The following ACVRL1 variants were observed in gnomAD, a reference collection of about 807,000 sequenced individuals.
ACVRL1 encodes the protein activin A receptor like type 1.
A neutral mutation model predicts 51.9 loss-of-function variants in ACVRL1; 20 were observed. The ratio of observed to expected loss-of-function variants is 0.39; its 90% CI spans 0.27 to 0.56. The LOEUF (loss-of-function observed/expected upper bound fraction) is 0.56, where lower values mean the gene tolerates loss of function less well. Among genes scored for constraint, ACVRL1 ranks in the 20% least tolerant of loss-of-function variants. ACVRL1 has a pLI of 0.67. For synonymous variants in ACVRL1, 288 were observed against 280.9 expected (o/e 1.03, Z -0.25); for missense variants, 451 against 670.3 (o/e 0.67, Z 3.61).
intron 7 of ACVRL1, chr12:51,915,803 G>A (rs574400782): frequency 1.1e-5 from 7 of 633,498 alleles, no homozygotes; most frequent in Non-Finnish European, 1.6e-5. Context: ...CATAATGCCT[G>A]CCTTGCCCAC....
At chr12:51,916,406 T>G (rs1940843109) in intron 8 of ACVRL1, among the ~76,000 whole-genome samples, 173 bp downstream of exon 8, 1 of 152,194 alleles carries the variant, frequency 6.6e-6, no homozygotes, top group Admixed American at 6.5e-5. Context: ...GTATAAACCT[T>G]AAAAACAGAT....
intron 9 of ACVRL1, among the ~76,000 whole-genome samples, chr12:51,920,091 A>G (rs1444529110): frequency 6.6e-6 from 1 of 152,062 alleles, no homozygotes; most frequent in African/African-American, 2.4e-5. Flanking sequence ...ACACACATAC[A>G]CTCACTTTCA....
In ACVRL1 at chr12:51,909,004, C is replaced by A. The variant is rs1940643946; in HGVS notation, c.-6+1309C>A. ...CACATGGATGAATCGTAAGGGCAACCCAATATGAACAGCTGGGTCTGCTCC... is the reference window on the plus strand; with the variant it reads ...CACATGGATGAATCGTAAGGGCAACACAATATGAACAGCTGGGTCTGCTCC... On this transcript the variant is annotated intron_variant, in intron 1 of 9. Transcript: ENST00000388922. Among the ~76,000 whole-genome samples, 3 of 152,124 alleles carry A rather than the reference C, an allele frequency of 2.0e-5. No individual in the cohort carries two copies. The South Asian group carries it at 6.2e-4, about 32-fold the overall frequency.
At chr12:51,913,431 C>G in intron 3 of ACVRL1, 81 bp downstream of exon 3, 1 of 1,561,702 alleles carries the variant, frequency 6.4e-7, no homozygotes, top group South Asian at 1.2e-5. Flanking sequence ...CATGCTCTGG[C>G]CAATAAAGGG....
chr12:51,912,635 G>A, intron 2 of ACVRL1, 100 bp downstream of exon 2: 1 of 998,998 alleles, frequency 1.0e-6, no homozygotes, highest in Non-Finnish European at 1.6e-6. Flanking sequence ...GAGAAGCTGG[G>A]GAGAATGTAG....
At position 51,913,543 on chromosome 12, in the gene ACVRL1, T is replaced by C. The variant is rs769597707; in HGVS notation, c.314-16T>C. The C allele has an allele frequency of 3.6e-5, 57 of 1,592,936 alleles. No individual in the cohort carries two copies. Among genetic ancestry groups the C allele is most frequent in the Non-Finnish European group, 4.2e-5 (50 of 1,178,094 alleles). On this transcript the variant is annotated splice_polypyrimidine_tract_variant and intron_variant, in intron 3 of 9. Coordinates refer to ENST00000388922, the MANE Select transcript of ACVRL1 (RefSeq NM_000020.3). The stretch of plus-strand genomic sequence containing the variant: ...TGACCTAGTGGAAGCTGAGCCTCAG[T>C]GTCCCCCTCCCTCAGCCACCCAACC...
rs764447968 is a variant in ACVRL1 at position 51,913,586 on chromosome 12, G to C, written c.341G>C (p.Gly114Ala). ...EATQPPSEQP[G>A]TDGQLALILG... The stretch of plus-strand genomic sequence containing the variant: ...ACCCAACCTCCTTCGGAGCAGCCGG[G>C]AACAGATGGCCAGCTGGCCCTGATC... Residue 114 changes from glycine to alanine, a missense_variant, in exon 4 of 10, where the codon GGA becomes GCA. Around this residue, in one of 2 missense-constraint regions of ACVRL1, gnomAD observed 192 missense variants for 216.9 expected, o/e 0.89. Transcript: ENST00000388922. 3.8e-5 allele frequency: 61 copies of C among 1,599,802 alleles called. No individual in the cohort carries two copies. Among genetic ancestry groups the C allele is most frequent in the Non-Finnish European group, 4.8e-5 (57 of 1,179,842 alleles).
intron 2 of ACVRL1, among the ~76,000 whole-genome samples, chr12:51,912,822 G>A (rs1197220023): frequency 2.0e-5 from 3 of 152,096 alleles, no homozygotes; most frequent in African/African-American, 7.2e-5. Context: ...AAGCCTGGGA[G>A]AGCACTCAGG....
chr12:51,913,765 T>C lies in ACVRL1; in HGVS notation c.520T>C (p.Leu174=), dbSNP rs1592222650. 6.2e-7 allele frequency: 1 copy of C among 1,611,376 alleles called. No homozygotes were observed. Among genetic ancestry groups the C allele is most frequent in the Non-Finnish European group, 8.5e-7 (1 of 1,179,950 alleles). Residue 174 remains leucine, a synonymous_variant, in exon 4 of 10, where the codon TTG becomes CTG. Coordinates refer to ENST00000388922, the MANE Select transcript of ACVRL1 (RefSeq NM_000020.3). The part of the protein sequence containing the change: ...LKASEQGDSM[L]GDLLDSDCTT... The stretch of plus-strand genomic sequence containing the variant: ...AGCATCTGAGCAGGGCGACAGCATG[T>C]TGGGGGTATGGGCCTGGGGACCTGG...
rs1940959480 is a variant in ACVRL1 at position 51,920,836 on chromosome 12, CAAG to C, written c.1460_1462del (p.Lys487del). 6.3e-7 allele frequency: 1 copy of C among 1,580,554 alleles called. No individual in the cohort carries two copies. Among genetic ancestry groups the C allele is most frequent in the East Asian group, 2.4e-5 (1 of 42,186 alleles). On this transcript the variant is annotated inframe_deletion, in exon 10 of 10. Coordinates refer to ENST00000388922, the MANE Select transcript of ACVRL1 (RefSeq NM_000020.3). The stretch of plus-strand genomic sequence containing the variant: ...CTGCCCGACTCACCGCGCTGCGGAT[CAAG>C]AAGACACTACAAAAAATTAGCAACA...
Position 51,920,942 on chromosome 12 carries a change from G to GGGGGGGGGGGGGGGGGGGGGGGGC in ACVRL1, c.*52_*53insGGGGGGGGGGGGGGGGGGGGCGGG. The GGGGGGGGGGGGGGGGGGGGGGGGC allele has an allele frequency of 1.6e-6, 1 of 629,040 alleles. No individual in the cohort carries two copies. Among genetic ancestry groups the GGGGGGGGGGGGGGGGGGGGGGGGC allele is most frequent in the Non-Finnish European group, 2.9e-6 (1 of 341,656 alleles). 39.0% of individuals were successfully genotyped at this position (629,040 alleles called of 1,614,324 possible). On this transcript the variant is annotated 3_prime_UTR_variant, in exon 10 of 10. Transcript: ENST00000388922. ...TGCCTGCAGGGGGCTGGGGGGGTGG[G>GGGGGGGGGGGGGGGGGGGGGGGGC]GGGCAGTGGATGGTGCCCTATCTGG...
rs539610159 is a variant in ACVRL1 at position 51,922,274 on chromosome 12, A to T, written c.*1381A>T. 13 of 152,290 alleles carry T rather than the reference A, an allele frequency of 8.5e-5. No homozygotes were observed. The highest frequency in any genetic ancestry group is 3.1e-4 in the African/African-American group (13 of 41,538). 9.4% of individuals were successfully genotyped at this position (152,290 alleles called of 1,614,324 possible). A position where few individuals can be genotyped will look rare whatever the true frequency, so the allele number is the denominator to read the frequency against. ...AGTCTGCAAGCTCCAGTTCTTGCCT[A>T]AAACCATGCCAGTGGCCACCCTTGG... is the stretch of plus-strand genomic sequence containing the variant. On this transcript the variant is annotated 3_prime_UTR_variant, in exon 10 of 10. Coordinates refer to ENST00000388922, the MANE Select transcript of ACVRL1 (RefSeq NM_000020.3).
chr12:51,915,423 C>A lies in ACVRL1; in HGVS notation c.971C>A (p.Pro324Gln), dbSNP rs777485112. The change falls in exon 7 of 10, where the codon CCA becomes CAA. Residue 324 changes from proline to glutamine, a missense_variant. Pro to Gln is a moderately conservative substitution (Grantham distance 76). Coordinates refer to ENST00000388922, the MANE Select transcript of ACVRL1 (RefSeq NM_000020.3). ...HVEIFGTQGK[P>Q]AIAHRDFKSR... ...GAGATCTTCGGTACACAGGGCAAAC[C>A]AGCCATTGCCCACCGCGACTTCAAG... is the stretch of plus-strand genomic sequence containing the variant. 1.9e-6 allele frequency: 3 copies of A among 1,613,688 alleles called. No individual in the cohort carries two copies. The South Asian group carries it at 3.3e-5, about 18-fold the overall frequency.
At chr12:51,920,738 C>A (rs1200003666) in intron 9 of ACVRL1, 21 bp from the exon 10 acceptor site, 2 of 1,612,984 alleles carry the variant, frequency 1.2e-6, no homozygotes, top group East Asian at 2.2e-5. Flanking sequence ...CTCTCCTCTG[C>A]ACCTCTCTCC....
chr12:51,913,898 A>T, intron 4 of ACVRL1, 76 bp from the exon 5 acceptor site: 1 of 1,573,906 alleles, frequency 6.4e-7, no homozygotes, highest in Non-Finnish European at 8.7e-7. Context: ...GTGACCCAGC[A>T]GGTCCCAGGT....
In ACVRL1 at chr12:51,917,765, G is replaced by A. The variant is rs1180007733; in HGVS notation, c.1247-1220G>A. ...TGGGCTCTAAGGAGACCGGGATCGG[G>A]GGAAAGAGGAACCTGGAAGAAGCCA... is the stretch of plus-strand genomic sequence containing the variant. On this transcript the variant is annotated intron_variant, in intron 8 of 9. Coordinates refer to ENST00000388922, the MANE Select transcript of ACVRL1 (RefSeq NM_000020.3). This position sits in a 1 kb window ranked among gnomAD's most constrained non-coding sequence, Gnocchi z 4.2. Among the ~76,000 whole-genome samples the A allele has an allele frequency of 6.6e-6, 1 of 152,188 alleles. No homozygotes were observed. Among genetic ancestry groups the A allele is most frequent in the African/African-American group, 2.4e-5 (1 of 41,444 alleles).
chr12:51,916,245 C>T lies in ACVRL1; in HGVS notation c.1246+12C>T, dbSNP rs1425394000. The T allele has an allele frequency of 4.3e-6, 7 of 1,613,166 alleles. No individual in the cohort carries two copies. Among genetic ancestry groups the T allele is most frequent in the Non-Finnish European group, 5.1e-6 (6 of 1,179,688 alleles). ...GACCATCGTGAATGGTGAGGGCCCACCCTACACAGGGTAGGGAAAGGGGAA... is the reference window on the plus strand; with the variant it reads ...GACCATCGTGAATGGTGAGGGCCCATCCTACACAGGGTAGGGAAAGGGGAA... On this transcript the variant is annotated intron_variant, in intron 8 of 9. Transcript: ENST00000388922.
intron 1 of ACVRL1, among the ~76,000 whole-genome samples, chr12:51,909,191 T>C (rs962090538): frequency 2.6e-5 from 4 of 152,238 alleles, no homozygotes; most frequent in South Asian, 2.1e-4. Context: ...GAGAAAAACA[T>C]TGATAAGCAC....
At chr12:51,920,442 T>A (rs2139088323) in intron 9 of ACVRL1, among the ~76,000 whole-genome samples, 1 of 152,070 alleles carries the variant, frequency 6.6e-6, no homozygotes, top group South Asian at 2.1e-4. Context: ...AAGATCTGAG[T>A]TCTCTCTTTC....
Sources: gnomAD v4.1 joint callset for allele counts (sites outside exome capture counted in the v4.1 genomes callset) on GRCh38, gnomAD v4.1.1 for gene constraint, gnomAD v4.1.1 regional missense constraint, Gnocchi (gnomAD v3.1) non-coding constraint, MANE v1.5 for transcripts, NCBI Gene and HGNC (gene_info 2026-07-23, HGNC 2026-07-21) for gene names.